The following SYN3 variants were observed in gnomAD, a reference collection of about 807,000 sequenced individuals.
SYN3 encodes the protein synapsin III.
Under a neutral mutation model 65.8 loss-of-function variants are expected in SYN3, and 35 were observed. The observed-to-expected ratio is 0.53, with a 90% CI of 0.41 to 0.70. The LOEUF (loss-of-function observed/expected upper bound fraction) is 0.70, where lower values mean the gene tolerates loss of function less well. SYN3 is among the 30% of genes least tolerant of loss of function. The pLI is 0.00. For missense variants in SYN3, 680 were observed against 749.0 expected, an observed-to-expected ratio of 0.91 and a Z score of 1.08; for synonymous variants, 270 against 292.9, an observed-to-expected ratio of 0.92 and a Z score of 0.80.
At chr22:32,847,015 C>G (rs1281940764) in intron 6 of SYN3, among the ~76,000 whole-genome samples, 1 of 152,198 alleles carries the variant, frequency 6.6e-6, no homozygotes, top group Non-Finnish European at 1.5e-5. Context: ...CTGTCTAAAT[C>G]AAGTCAAGCC....
intron 6 of SYN3, chr22:32,857,201 G>T: frequency 1.4e-6 from 2 of 1,415,916 alleles, no homozygotes; most frequent in Non-Finnish European, 2.0e-6. Flanking sequence ...GATCATACGG[G>T]TGTCCAAACT....
chr22:32,745,025 G>A (rs2044884278), intron 6 of SYN3, among the ~76,000 whole-genome samples: 1 of 152,104 alleles, frequency 6.6e-6, no homozygotes, highest in Non-Finnish European at 1.5e-5. Flanking sequence ...CAAAATGTTA[G>A]GATGGCTCTG....
chr22:32,901,059 A>G (rs1440175865), intron 4 of SYN3, among the ~76,000 whole-genome samples: 1 of 152,164 alleles, frequency 6.6e-6, no homozygotes, highest in East Asian at 1.9e-4. Flanking sequence ...AAATTATGCA[A>G]TTTGCAGTCT....
intron 4 of SYN3, among the ~76,000 whole-genome samples, chr22:32,871,239 A>G (rs1158537741): frequency 1.3e-5 from 2 of 152,176 alleles, no homozygotes; most frequent in African/African-American, 4.8e-5. Context: ...CTGGCTATCT[A>G]AAAAAAGAGG....
chr22:32,904,214 G>C (rs565142358), intron 4 of SYN3, among the ~76,000 whole-genome samples: 87 of 152,320 alleles, frequency 5.7e-4, no homozygotes, highest in African/African-American at 2.0e-3. Context: ...AGCAGGCCTT[G>C]TGGTTGAGTG....
intron 4 of SYN3, among the ~76,000 whole-genome samples, chr22:32,874,837 C>T (rs2048941350): frequency 6.6e-6 from 1 of 152,192 alleles, no homozygotes; most frequent in African/African-American, 2.4e-5. Context: ...ATTGTCTCCA[C>T]ACTCTTCATA....
At chr22:32,849,315 AATC>A in intron 6 of SYN3, 1 of 728,550 alleles carries the variant, frequency 1.4e-6, no homozygotes, top group East Asian at 2.7e-5. Flanking sequence ...TTGTAAACAC[AATC>A]ATCTATTCCA....
chr22:32,763,248 G>A (rs577979944), intron 6 of SYN3, among the ~76,000 whole-genome samples: 4 of 152,048 alleles, frequency 2.6e-5, no homozygotes, highest in African/African-American at 4.8e-5. Flanking sequence ...CCGGGTTCAC[G>A]CCATTCTCCT....
intron 1 of SYN3, among the ~76,000 whole-genome samples, chr22:33,054,492 G>T (rs2054223827): frequency 6.6e-6 from 1 of 152,004 alleles, no homozygotes; most frequent in Admixed American, 6.6e-5. Flanking sequence ...ACAAACTGTC[G>T]CCTCTATCTA....
At chr22:32,988,231 C>T (rs1320699057) in intron 2 of SYN3, among the ~76,000 whole-genome samples, 4 of 151,524 alleles carry the variant, frequency 2.6e-5, no homozygotes, top group Non-Finnish European at 4.4e-5. Context: ...TGCTTGAAAC[C>T]GGGTGGTGGA....
At chr22:32,795,607 C>T (rs1308943681) in intron 6 of SYN3, among the ~76,000 whole-genome samples, 1 of 152,110 alleles carries the variant, frequency 6.6e-6, no homozygotes, top group Non-Finnish European at 1.5e-5. Context: ...TGGTAGCGAC[C>T]ATGGGGGTGC....
intron 7 of SYN3, among the ~76,000 whole-genome samples, chr22:32,581,220 G>A (rs1052572727): frequency 3.4e-4 from 52 of 152,216 alleles, no homozygotes; most frequent in African/African-American, 1.0e-3. Flanking sequence ...AATAATTCTT[G>A]TGCTTCAGCT....
rs374355089 is a variant in SYN3 at position 33,038,305 on chromosome 22, T to C, written c.-163+19987A>G. ...TCCACCAAAAGATCCCTAGCTGCTG[T>C]CACTTGCAGGCAAGGAAGGGATTTT... On this transcript the variant is annotated intron_variant, in intron 1 of 13. Transcript: ENST00000358763. Among the ~76,000 whole-genome samples the C allele has an allele frequency of 2.4e-4, 37 of 152,328 alleles. 2 individuals carry two copies. The South Asian group carries it at 7.7e-3, about 32-fold the overall frequency.
intron 7 of SYN3, among the ~76,000 whole-genome samples, chr22:32,587,518 C>A (rs143455034): frequency 2.6e-5 from 4 of 152,126 alleles, no homozygotes; most frequent in Non-Finnish European, 4.4e-5. Flanking sequence ...TTGCGGGGAA[C>A]CTTTTGATTT....
At chr22:32,520,757 G>A (rs2057866478) in intron 12 of SYN3, among the ~76,000 whole-genome samples, 1 of 152,136 alleles carries the variant, frequency 6.6e-6, no homozygotes, top group East Asian at 1.9e-4. Context: ...CATGCCACCT[G>A]TATAACCTCC....
chr22:32,668,034 G>A (rs1232577556), intron 6 of SYN3, among the ~76,000 whole-genome samples: 5 of 151,290 alleles, frequency 3.3e-5, no homozygotes, highest in African/African-American at 1.2e-4. Flanking sequence ...GACCTGATCC[G>A]CCTGACTCAG....
At chr22:32,608,933 A>G (rs952902891) in intron 6 of SYN3, among the ~76,000 whole-genome samples, 7 of 152,254 alleles carry the variant, frequency 4.6e-5, no homozygotes, top group African/African-American at 1.7e-4. Context: ...TACTTGATAC[A>G]GTGATAGCCA....
intron 6 of SYN3, among the ~76,000 whole-genome samples, chr22:32,754,789 C>A (rs2045245013): frequency 6.6e-6 from 1 of 152,206 alleles, no homozygotes; most frequent in African/African-American, 2.4e-5. Flanking sequence ...TTGGCCAAAC[C>A]CTTGTCCAAA....
intron 6 of SYN3, among the ~76,000 whole-genome samples, chr22:32,723,224 AC>A (rs2061143903): frequency 6.6e-6 from 1 of 152,216 alleles, no homozygotes; most frequent in Admixed American, 6.5e-5. Flanking sequence ...TCAACTCCTG[AC>A]TTGACCACTT....
Sources: gnomAD v4.1 joint callset for allele counts (sites outside exome capture counted in the v4.1 genomes callset) on GRCh38, gnomAD v4.1.1 for gene constraint, MANE v1.5 for transcripts, NCBI Gene and HGNC (gene_info 2026-07-23, HGNC 2026-07-21) for gene names.